The following IGSF11 variants were observed in gnomAD, a reference collection of about 807,000 sequenced individuals.
IGSF11 encodes CXADR like 1.
In IGSF11, 22 loss-of-function variants were observed where a neutral mutation model predicts 41.0. That is an observed-to-expected ratio of 0.54 (90% CI 0.38 to 0.77). The LOEUF is 0.77. Among genes scored for constraint, IGSF11 ranks in the 30% least tolerant of loss-of-function variants. The pLI, the probability that IGSF11 is intolerant of heterozygous loss-of-function variation, is 0.00. For missense variants in IGSF11, 444 were observed against 530.8 expected, an observed-to-expected ratio of 0.84 and a Z score of 1.61; for synonymous variants, 219 against 201.3, an observed-to-expected ratio of 1.09 and a Z score of -0.74.
chr3:118,990,426 G>A (rs895427912), intron 1 of IGSF11, among the ~76,000 whole-genome samples: 2 of 152,170 alleles, frequency 1.3e-5, no homozygotes, highest in African/African-American at 4.8e-5. Context: ...ATTAGATTCT[G>A]TTCACTCAAT....
intron 1 of IGSF11, among the ~76,000 whole-genome samples, chr3:119,111,623 G>A (rs571210771): frequency 9.2e-5 from 14 of 152,316 alleles, no homozygotes; most frequent in East Asian, 1.9e-4. Context: ...GCTTTGTTCG[G>A]TTGCTGGTGA....
chr3:119,110,185 T>C (rs1026930195), upstream of IGSF11, among the ~76,000 whole-genome samples: 4 of 152,106 alleles, frequency 2.6e-5, no homozygotes, highest in Non-Finnish European at 5.9e-5. Flanking sequence ...ATGTTGACAG[T>C]GGGGTGTTAA....
At chr3:119,009,868 T>C (rs1034355367) in intron 1 of IGSF11, among the ~76,000 whole-genome samples, 1 of 145,480 alleles carries the variant, frequency 6.9e-6, no homozygotes, top group Admixed American at 7.1e-5. Flanking sequence ...AACATCTACC[T>C]TGACATCTAC....
At chr3:119,131,416 T>A (rs1265152684) in intron 1 of IGSF11, among the ~76,000 whole-genome samples, 1 of 152,112 alleles carries the variant, frequency 6.6e-6, no homozygotes, top group Non-Finnish European at 1.5e-5. Flanking sequence ...TACACAAGCT[T>A]CACAGCAGAT....
intron 1 of IGSF11, among the ~76,000 whole-genome samples, chr3:119,083,766 T>C (rs1288353429): frequency 6.6e-6 from 1 of 152,248 alleles, no homozygotes. Flanking sequence ...TTATGTGCAG[T>C]ACACAGTATT....
chr3:118,988,885 A>G (rs1935512781), intron 1 of IGSF11, among the ~76,000 whole-genome samples: 1 of 152,234 alleles, frequency 6.6e-6, no homozygotes, highest in Admixed American at 6.5e-5. Context: ...GCACGTTACA[A>G]CATTAATATC....
intron 1 of IGSF11, among the ~76,000 whole-genome samples, chr3:118,975,842 G>C (rs1934035469): frequency 6.6e-6 from 1 of 152,090 alleles, no homozygotes; most frequent in Non-Finnish European, 1.5e-5. Flanking sequence ...AAAAAGATGA[G>C]AACAACAGAC....
At chr3:119,092,491 G>A (rs983838235) in intron 1 of IGSF11, among the ~76,000 whole-genome samples, 3 of 152,038 alleles carry the variant, frequency 2.0e-5, no homozygotes, top group Non-Finnish European at 4.4e-5. Flanking sequence ...CACCATGCCT[G>A]GCTAATGTTT....
intron 1 of IGSF11, among the ~76,000 whole-genome samples, chr3:119,135,509 T>C (rs2077548442): frequency 6.6e-6 from 1 of 152,112 alleles, no homozygotes; most frequent in Non-Finnish European, 1.5e-5. Flanking sequence ...AAAATCACAA[T>C]GAGATATCAT....
intron 1 of IGSF11, among the ~76,000 whole-genome samples, chr3:119,089,755 T>A (rs527343031): frequency 6.6e-6 from 1 of 152,158 alleles, no homozygotes; most frequent in Non-Finnish European, 1.5e-5. Flanking sequence ...CTGGGCACAA[T>A]GGCTCACACC....
intron 1 of IGSF11, among the ~76,000 whole-genome samples, chr3:119,059,429 A>T (rs780811902): frequency 1.7e-4 from 26 of 152,152 alleles, no homozygotes; most frequent in Non-Finnish European, 3.5e-4. Context: ...GAGGGTGGTG[A>T]TTACAAAAAA....
chr3:118,921,084 C>CTAAG (rs1261817187), intron 4 of IGSF11, among the ~76,000 whole-genome samples: 2 of 152,140 alleles, frequency 1.3e-5, no homozygotes, highest in Non-Finnish European at 2.9e-5. Flanking sequence ...GAGGCTTACC[C>CTAAG]TAAGCACCTT....
rs533045294 is a variant in IGSF11, at chr3:119,121,984, C to T, written c.-13-16779G>A. Among the ~76,000 whole-genome samples, 36 of 152,242 alleles carry T rather than the reference C, an allele frequency of 2.4e-4. No homozygotes were observed. In the East Asian group the frequency reaches 3.3e-3, roughly 14 times the overall value. ...AATCTCTCATTTAAAAATGAAGAAG[C>T]GAGGTGAAGCAAGATGGTGGAGTAG... On this transcript the variant is annotated intron_variant, in intron 1 of 7. Transcript: ENST00000425327.
chr3:118,910,870 G>A (rs1215920675), intron 4 of IGSF11, among the ~76,000 whole-genome samples: 1 of 151,990 alleles, frequency 6.6e-6, no homozygotes, highest in Admixed American at 6.5e-5. Context: ...TTTCCTGCTT[G>A]GGAATCCTTT....
intron 1 of IGSF11, among the ~76,000 whole-genome samples, chr3:119,040,968 T>G (rs988017535): frequency 6.6e-6 from 1 of 152,170 alleles, no homozygotes; most frequent in Non-Finnish European, 1.5e-5. Context: ...TAAAAATATT[T>G]TATATTGAAA....
At chr3:118,923,466 G>A (rs1301770864) in intron 4 of IGSF11, among the ~76,000 whole-genome samples, 2 of 152,120 alleles carry the variant, frequency 1.3e-5, no homozygotes, top group Admixed American at 6.6e-5. Flanking sequence ...TGATCTAATA[G>A]TATTAGCTAA....
At chr3:118,967,192 C>CAT (rs771732449) in intron 1 of IGSF11, among the ~76,000 whole-genome samples, 36 of 151,774 alleles carry the variant, frequency 2.4e-4, no homozygotes, top group African/African-American at 8.2e-4. Flanking sequence ...TCTACCCATA[C>CAT]ATATATATAT....
At chr3:118,977,756 G>A (rs1934278136) in intron 1 of IGSF11, among the ~76,000 whole-genome samples, 2 of 152,170 alleles carry the variant, frequency 1.3e-5, no homozygotes, top group South Asian at 4.1e-4. Context: ...GTAACATAAG[G>A]TGTGCCCTAG....
intron 1 of IGSF11, among the ~76,000 whole-genome samples, chr3:119,075,749 C>T (rs2076483727): frequency 6.6e-6 from 1 of 152,112 alleles, no homozygotes; most frequent in Non-Finnish European, 1.5e-5. Context: ...TCAATAGATG[C>T]ACAAAAAGCT....
Sources: allele counts gnomAD v4.1 joint callset (sites outside exome capture counted in the v4.1 genomes callset), GRCh38; gene constraint gnomAD v4.1.1; transcripts MANE v1.5; gene names NCBI Gene and HGNC (gene_info 2026-07-23, HGNC 2026-07-21).